Variants in EPHA7 observed in about 807,000 individuals in gnomAD.
EPHA7 encodes the protein EPH receptor A7.
In EPHA7, 25 loss-of-function variants were observed where a neutral mutation model predicts 112.6. That is an observed-to-expected ratio of 0.22 (90% CI 0.16 to 0.31). The LOEUF (loss-of-function observed/expected upper bound fraction) is 0.31, where lower values mean the gene tolerates loss of function less well. Among genes scored for constraint, EPHA7 ranks in the 10% least tolerant of loss-of-function variants. EPHA7 has a pLI of 1.00. For missense variants in EPHA7, 962 were observed against 1,212.6 expected (o/e 0.79, Z 3.07); for synonymous variants, 437 against 406.5 (o/e 1.07, Z -0.90).
At chr6:93,301,218 G>A (rs1045890299) in intron 5 of EPHA7, among the ~76,000 whole-genome samples, 4 of 151,880 alleles carry the variant, frequency 2.6e-5, no homozygotes, top group Non-Finnish European at 5.9e-5. Flanking sequence ...TTTCTTTTAA[G>A]TTTCTTTTTT....
chr6:93,262,241 G>T (rs1025214790), intron 9 of EPHA7, among the ~76,000 whole-genome samples: 3 of 151,284 alleles, frequency 2.0e-5, no homozygotes, highest in Admixed American at 6.6e-5. Flanking sequence ...ACAAAAAAAG[G>T]TAACCTCCAC....
At chr6:93,271,919 A>G (rs1235171232) in intron 6 of EPHA7, among the ~76,000 whole-genome samples, 2 of 151,868 alleles carry the variant, frequency 1.3e-5, no homozygotes, top group Non-Finnish European at 2.9e-5. Context: ...AACCACATAA[A>G]TTAAACAAAC....
chr6:93,388,546 G>A (rs1162860853), intron 3 of EPHA7, among the ~76,000 whole-genome samples: 2 of 152,078 alleles, frequency 1.3e-5, no homozygotes, highest in East Asian at 1.9e-4. Context: ...ATAAAGAAAT[G>A]CTATTATTTT....
At chr6:93,363,076 A>G (rs1361819126) in intron 3 of EPHA7, among the ~76,000 whole-genome samples, 1 of 152,138 alleles carries the variant, frequency 6.6e-6, no homozygotes, top group Non-Finnish European at 1.5e-5. Flanking sequence ...CTGATAATCC[A>G]TATCTTGCTT....
intron 5 of EPHA7, among the ~76,000 whole-genome samples, chr6:93,282,721 T>C (rs1036900210): frequency 1.2e-4 from 18 of 152,102 alleles, no homozygotes; most frequent in Non-Finnish European, 2.1e-4. Context: ...GGGCGTGGGC[T>C]CGGCGGGCCC....
intron 5 of EPHA7, among the ~76,000 whole-genome samples, chr6:93,349,517 T>A (rs1220098358): frequency 6.6e-6 from 1 of 151,914 alleles, no homozygotes; most frequent in Admixed American, 6.6e-5. Flanking sequence ...TACATATGAA[T>A]GTATGTTTTA....
chr6:93,373,771 T>C (rs924371340), intron 3 of EPHA7, among the ~76,000 whole-genome samples: 1 of 151,952 alleles, frequency 6.6e-6, no homozygotes, highest in Non-Finnish European at 1.5e-5. Context: ...TGGTGTATTC[T>C]CTTTCGAATA....
chr6:93,331,452 C>CAAA lies in EPHA7; in HGVS notation c.1324+25262_1324+25264dup, dbSNP rs35947900. 3.1e-3 allele frequency among the ~76,000 whole-genome samples: 447 copies of CAAA among 145,702 alleles called. 2 individuals are homozygous for CAAA. The highest frequency in any genetic ancestry group is 0.01 in the African/African-American group (419 of 40,100). On this transcript the variant is annotated intron_variant, in intron 5 of 16. Coordinates refer to ENST00000369303, the MANE Select transcript of EPHA7 (RefSeq NM_004440.4). ...AGATTATATATTTAGCAGAAAAATACAAAAAAAAAAATTCAGAGCTTTTAA... is the reference window on the plus strand; with the variant it reads ...AGATTATATATTTAGCAGAAAAATACAAAAAAAAAAAAAATTCAGAGCTTTTAA...
chr6:93,291,505 A>C (rs1350719850), intron 5 of EPHA7, among the ~76,000 whole-genome samples: 1 of 152,076 alleles, frequency 6.6e-6, no homozygotes, highest in Non-Finnish European at 1.5e-5. Context: ...GCGGTGGCTC[A>C]CGCCTGTAAT....
At chr6:93,258,399 T>C (rs540289677) in intron 10 of EPHA7, 115 bp from the exon 11 acceptor site, 12 of 1,110,626 alleles carry the variant, frequency 1.1e-5, no homozygotes, top group African/African-American at 7.9e-5. Flanking sequence ...TTGAAAGCAT[T>C]TTAAAATATT....
At chr6:93,372,138 T>C (rs945448339) in intron 3 of EPHA7, among the ~76,000 whole-genome samples, 8 of 152,168 alleles carry the variant, frequency 5.3e-5, no homozygotes, top group Non-Finnish European at 8.8e-5. Context: ...TTTATCTTTA[T>C]ATTACTTAGG....
rs573286758 is a variant in EPHA7, at chr6:93,370,668, T to C, written c.833-12257A>G. ...TATATTCACACACCCTTCTGTACAT[T>C]TGGTTTCCTATTACATTTCATATGT... On this transcript the variant is annotated intron_variant, in intron 3 of 16. Coordinates refer to ENST00000369303, the MANE Select transcript of EPHA7 (RefSeq NM_004440.4). Among the ~76,000 whole-genome samples, 9 of 152,344 alleles carry C rather than the reference T, an allele frequency of 5.9e-5. No homozygotes were observed. The East Asian group carries it at 1.3e-3, about 23-fold the overall frequency.
At chr6:93,313,916 T>A (rs906561371) in intron 5 of EPHA7, among the ~76,000 whole-genome samples, 1 of 152,138 alleles carries the variant, frequency 6.6e-6, no homozygotes, top group Non-Finnish European at 1.5e-5. Flanking sequence ...TGGTAGCAAA[T>A]TCATTAGGAA....
At chr6:93,407,822 TGTAA>T (rs958973260) in intron 3 of EPHA7, among the ~76,000 whole-genome samples, 1 of 152,044 alleles carries the variant, frequency 6.6e-6, no homozygotes, top group Non-Finnish European at 1.5e-5. Flanking sequence ...ATTTGATGAA[TGTAA>T]GTAATTTTAC....
rs1240239966 is a variant in EPHA7 at position 93,410,905 on chromosome 6, T to C, written c.428A>G (p.Tyr143Cys). The C allele has an allele frequency of 4.3e-6, 7 of 1,614,042 alleles. No homozygotes were observed. The highest frequency in any genetic ancestry group is 2.2e-5 in the East Asian group (1 of 44,882). ...DTGRNIRENLYVKIDTIAADE... is the reference protein window; with the variant it reads ...DTGRNIRENLCVKIDTIAADE... Reference sequence around the variant, plus strand: ...TGCAGCAATGGTGTCTATTTTTACATAGAGGTTTTCTCTTATATTCCTGCC... The same window carrying C: ...TGCAGCAATGGTGTCTATTTTTACACAGAGGTTTTCTCTTATATTCCTGCC... The change falls in exon 3 of 17, where the codon TAT (tyrosine) becomes TGT (cysteine). Residue 143 changes from tyrosine to cysteine, a missense_variant. Around this residue, in one of 3 missense-constraint regions of EPHA7, gnomAD observed 160 missense variants for 263.6 expected, o/e 0.61. Transcript: ENST00000369303. The surrounding 1 kb of genome is among the most constrained non-coding windows in gnomAD (Gnocchi z 4.0).
At chr6:93,342,792 G>A (rs1317761326) in intron 5 of EPHA7, among the ~76,000 whole-genome samples, 1 of 150,080 alleles carries the variant, frequency 6.7e-6, no homozygotes, top group Non-Finnish European at 1.5e-5. Context: ...AGAGAAGAAA[G>A]ATGAAACAAA....
At chr6:93,385,270 G>GA (rs1332622353) in intron 3 of EPHA7, among the ~76,000 whole-genome samples, 8 of 152,042 alleles carry the variant, frequency 5.3e-5, no homozygotes, top group Non-Finnish European at 1.0e-4. Context: ...TAATAGAAGA[G>GA]AAAAAATATA....
rs1472156671 is a variant in EPHA7 at position 93,259,489 on chromosome 6, T to C, written c.1799-10A>G. The C allele has an allele frequency of 4.3e-6, 7 of 1,610,386 alleles. No individual in the cohort carries two copies. The highest frequency in any genetic ancestry group is 8.5e-7 in the Non-Finnish European group (1 of 1,177,354). On this transcript the variant is annotated splice_polypyrimidine_tract_variant and intron_variant, in intron 9 of 16. Coordinates refer to ENST00000369303, the MANE Select transcript of EPHA7 (RefSeq NM_004440.4). ...GTGCCTGGAAATTTAACTGTAATGA[T>C]GTAAGAAAGCATGACTGTGATGAAG...
At chr6:93,251,381 A>G (rs2127851264) in intron 14 of EPHA7, among the ~76,000 whole-genome samples, 1 of 152,016 alleles carries the variant, frequency 6.6e-6, no homozygotes, top group East Asian at 1.9e-4. Flanking sequence ...TATCTTTAAA[A>G]AAGCTTAAAT....
Sources: gnomAD v4.1 joint callset for allele counts (sites outside exome capture counted in the v4.1 genomes callset) on GRCh38, gnomAD v4.1.1 for gene constraint, gnomAD v4.1.1 regional missense constraint, Gnocchi (gnomAD v3.1) non-coding constraint, MANE v1.5 for transcripts, NCBI Gene and HGNC (gene_info 2026-07-23, HGNC 2026-07-21) for gene names.